SHLD1: variants seen among roughly 807,000 people sequenced by gnomAD.
SHLD1 encodes shieldin complex subunit 1, also known as RINN1-REV7-interacting novel NHEJ regulator 3.
In SHLD1, 3 loss-of-function variants were observed where a neutral mutation model predicts 5.5. That is an observed-to-expected ratio of 0.54 (90% CI 0.25 to 1.40). The LOEUF (loss-of-function observed/expected upper bound fraction) is 1.40, where lower values mean the gene tolerates loss of function less well. Among genes scored for constraint, SHLD1 ranks in the 40% most tolerant of loss-of-function variants. The probability of loss-of-function intolerance (pLI) is 0.15; values close to 1 mark genes in which losing one functional copy is unlikely to be tolerated. For missense variants in SHLD1, 210 were observed against 244.4 expected (o/e 0.86, Z 0.94); for synonymous variants, 92 against 94.3 (o/e 0.98, Z 0.14).
At chr20:5,781,392 T>C (rs1348032109) in intron 2 of SHLD1, among the ~76,000 whole-genome samples, 1 of 152,112 alleles carries the variant, frequency 6.6e-6, no homozygotes, top group Non-Finnish European at 1.5e-5. Flanking sequence ...AGTGAGACCC[T>C]CTTTCTAAAG....
intron 2 of SHLD1, among the ~76,000 whole-genome samples, chr20:5,785,929 C>CCAGCATTG (rs1226016602): frequency 9.9e-5 from 15 of 152,120 alleles, no homozygotes; most frequent in African/African-American, 3.6e-4. Flanking sequence ...GTCCACTGGA[C>CCAGCATTG]CAGCATTGTG....
chr20:5,816,542 G>A (rs2087532924), intron 2 of SHLD1, among the ~76,000 whole-genome samples: 1 of 152,212 alleles, frequency 6.6e-6, no homozygotes, highest in Non-Finnish European at 1.5e-5. Flanking sequence ...TTTCACAGAT[G>A]AGGAAACTGA....
Position 5,863,399 on chromosome 20 carries a change from A to G in SHLD1, c.554A>G (p.Asn185Ser). 1 of 1,613,610 alleles carries G rather than the reference A, an allele frequency of 6.2e-7. No homozygotes were observed. The highest frequency in any genetic ancestry group is 8.5e-7 in the Non-Finnish European group (1 of 1,179,848). The change falls in exon 3 of 3, where the codon AAC becomes AGC. Residue 185 changes from asparagine (N) to serine (S), a missense_variant. Transcript: ENST00000303142. ...GSTSLDDEKP[N>S]PGLSKDITHF... The stretch of plus-strand genomic sequence containing the variant: ...ACATCTTTGGATGATGAAAAGCCAA[A>G]CCCAGGACTGTCAAAGGATATTACT...
chr20:5,844,792 TATATATA>T lies in SHLD1; in HGVS notation c.179-18231_179-18225del, dbSNP rs140749470. ...AGACATATATATATATATATATATA[TATATATA>T]TTTTTTTTTTTTTGAGACACAGTCT... On this transcript the variant is annotated intron_variant, in intron 2 of 2. Coordinates refer to ENST00000303142, the MANE Select transcript of SHLD1 (RefSeq NM_152504.4). 5.3e-3 allele frequency among the ~76,000 whole-genome samples: 563 copies of T among 106,126 alleles called. 16 individuals carry two copies. The highest frequency in any genetic ancestry group is 0.025 in the African/African-American group (545 of 21,688). The allele number at this position is 106,126 out of a possible 152,430, so 69.6% of individuals were successfully genotyped here. A position where few individuals can be genotyped will look rare whatever the true frequency, so the allele number is the denominator to read the frequency against.
intron 2 of SHLD1, among the ~76,000 whole-genome samples, chr20:5,814,645 T>TTTC (rs1399517598): frequency 6.0e-5 from 9 of 150,754 alleles, no homozygotes; most frequent in African/African-American, 1.2e-4. Context: ...ACTTTTTCTT[T>TTTC]TTCTTCTTCT....
intron 2 of SHLD1, among the ~76,000 whole-genome samples, chr20:5,842,758 G>A (rs1449297581): frequency 6.6e-6 from 1 of 151,688 alleles, no homozygotes; most frequent in Non-Finnish European, 1.5e-5. Flanking sequence ...CTTTCCACTG[G>A]ACTCTAGTCT....
At chr20:5,783,143 A>G (rs1036843587) in intron 2 of SHLD1, among the ~76,000 whole-genome samples, 1 of 152,158 alleles carries the variant, frequency 6.6e-6, no homozygotes, top group African/African-American at 2.4e-5. Context: ...TACCAAGTAG[A>G]TGGGCTTTAT....
Position 5,778,304 on chromosome 20 carries a change from T to G in SHLD1, c.178+5261T>G, listed in dbSNP as rs1327076332. 8.0e-5 allele frequency among the ~76,000 whole-genome samples: 12 copies of G among 150,182 alleles called. No individual in the cohort carries two copies. In the East Asian group the frequency reaches 2.3e-3, roughly 29 times the overall value. On this transcript the variant is annotated intron_variant, in intron 2 of 2. Transcript: ENST00000303142. ...GCTAGTTTTTTTTTTTTTTTTTGTA[T>G]TTTTAGTAGAGATGAGGTTTCACCG... is the stretch of plus-strand genomic sequence containing the variant.
intron 1 of SHLD1, among the ~76,000 whole-genome samples, chr20:5,769,371 A>AACATGAAGAAACATGAAG (rs1985021660): frequency 2.6e-5 from 4 of 152,270 alleles, no homozygotes; most frequent in Admixed American, 2.6e-4. Flanking sequence ...ATGATGAAGA[A>AACATGAAGAAACATGAAG]AACAGGGTAA....
chr20:5,781,481 C>T (rs6038275), intron 2 of SHLD1, among the ~76,000 whole-genome samples: 35,366 of 151,772 alleles, frequency 0.23, 4,114 homozygotes, highest in Middle Eastern at 0.32. Flanking sequence ...TGTCATATTA[C>T]ACTACTTTTG....
intron 1 of SHLD1, among the ~76,000 whole-genome samples, chr20:5,764,176 TTTTA>T (rs1229200519): frequency 5.3e-5 from 3 of 56,462 alleles, no homozygotes; most frequent in Non-Finnish European, 1.1e-4. Context: ...ATATATATAT[TTTTA>T]TATATATATA....
intron 2 of SHLD1, among the ~76,000 whole-genome samples, chr20:5,817,394 TTCTC>T (rs144955343): frequency 0.22 from 16,612 of 74,466 alleles, 1,482 homozygotes; most frequent in East Asian, 0.33. Context: ...ACGGGATATT[TTCTC>T]TCTCTCTCTC....
intron 2 of SHLD1, among the ~76,000 whole-genome samples, chr20:5,784,373 T>C (rs942352083): frequency 9.2e-5 from 14 of 152,006 alleles, no homozygotes; most frequent in Non-Finnish European, 1.8e-4. Context: ...CGATATGTAC[T>C]GCTAAATTAT....
chr20:5,785,153 C>T (rs2087042332), intron 2 of SHLD1, among the ~76,000 whole-genome samples: 1 of 152,216 alleles, frequency 6.6e-6, no homozygotes, highest in Admixed American at 6.5e-5. Context: ...CAAACAGACA[C>T]CGTCACTAGT....
chr20:5,802,131 T>G (rs1230442189), intron 2 of SHLD1, among the ~76,000 whole-genome samples: 1 of 152,208 alleles, frequency 6.6e-6, no homozygotes, highest in Non-Finnish European at 1.5e-5. Context: ...AAGGAATTTC[T>G]CCTGCCCAGG....
chr20:5,841,366 A>G (rs1216003597), intron 2 of SHLD1, among the ~76,000 whole-genome samples: 1 of 152,186 alleles, frequency 6.6e-6, no homozygotes, highest in Non-Finnish European at 1.5e-5. Context: ...AGAAATTTGC[A>G]TGAAAGATTT....
In SHLD1 at chr20:5,855,300, G is replaced by A. The variant is rs578037397; in HGVS notation, c.179-7724G>A. On this transcript the variant is annotated intron_variant, in intron 2 of 2. Transcript: ENST00000303142. The surrounding 1 kb of genome is among the most constrained non-coding windows in gnomAD (Gnocchi z 4.4). ...CCTCAGGGTTCGTTCATGTTGTAGC[G>A]TGTGTCACAGTGTCCTTTCTTTTTA... 9.2e-5 allele frequency among the ~76,000 whole-genome samples: 14 copies of A among 152,252 alleles called. No individual in the cohort carries two copies. The highest frequency in any genetic ancestry group is 2.1e-4 in the South Asian group (1 of 4,826).
At chr20:5,811,260 C>A (rs575648673) in intron 2 of SHLD1, among the ~76,000 whole-genome samples, 1 of 152,252 alleles carries the variant, frequency 6.6e-6, no homozygotes, top group Non-Finnish European at 1.5e-5. Flanking sequence ...TTCCAGGACT[C>A]CCTTAATTCT....
At chr20:5,814,193 C>A (rs895843524) in intron 2 of SHLD1, among the ~76,000 whole-genome samples, 3 of 151,748 alleles carry the variant, frequency 2.0e-5, no homozygotes, top group African/African-American at 7.3e-5. Flanking sequence ...TGAGCTCAAG[C>A]GATCCACCCA....
Sources: gnomAD v4.1 joint callset for allele counts (sites outside exome capture counted in the v4.1 genomes callset) on GRCh38, gnomAD v4.1.1 for gene constraint, Gnocchi (gnomAD v3.1) non-coding constraint, MANE v1.5 for transcripts, NCBI Gene and HGNC (gene_info 2026-07-23, HGNC 2026-07-21) for gene names.